Variants in NHS observed in about 807,000 individuals in gnomAD.
NHS encodes actin remodeling regulator NHS.
NHS carries 5 observed loss-of-function variants against 72.5 expected under a neutral mutation model. That is an observed-to-expected ratio of 0.07 (90% CI 0.04 to 0.14). The LOEUF is 0.14. NHS is among the 10% of genes least tolerant of loss of function. The probability of loss-of-function intolerance (pLI) is 1.00; values close to 1 mark genes in which losing one functional copy is unlikely to be tolerated. For missense variants in NHS, 1,072 were observed against 1,355.7 expected, an observed-to-expected ratio of 0.79 and a Z score of 3.29; for synonymous variants, 464 against 547.7, an observed-to-expected ratio of 0.85 and a Z score of 2.13.
chrX:17,455,873 A>G (rs1297898890), intron 1 of NHS, among the ~76,000 whole-genome samples: 1 of 111,597 alleles, frequency 9.0e-6, no homozygotes, highest in Non-Finnish European at 1.9e-5. Context: ...AAATGCCACC[A>G]TGTTGCTACT....
chrX:17,721,556 C>T lies in NHS; in HGVS notation c.1031C>T (p.Pro344Leu), dbSNP rs760631054. The change falls in exon 5 of 9, where the codon CCT becomes CTT. Residue 344 changes from proline (P) to leucine (L), a missense_variant. By Grantham distance (98) the Pro-to-Leu change is moderately conservative. Coordinates refer to ENST00000676302, the MANE Select transcript of NHS (RefSeq NM_001291867.2). Reference sequence around the variant, plus strand: ...CAGACCAACTGGAGCAAAGCACTACCTCTCCCGACGCCAGAGGAGAAGATG... The same window carrying T: ...CAGACCAACTGGAGCAAAGCACTACTTCTCCCGACGCCAGAGGAGAAGATG... ...DKQTNWSKAL[P>L]LPTPEEKMKQ... is the part of the protein sequence containing the mutation. 1.7e-6 allele frequency: 2 copies of T among 1,211,513 alleles called. No individual in the cohort carries two copies. The highest frequency in any genetic ancestry group is 1.1e-6 in the Non-Finnish European group (1 of 895,346).
chrX:17,603,192 C>A (rs199947328), intron 1 of NHS, among the ~76,000 whole-genome samples: 2 of 111,035 alleles, frequency 1.8e-5, no homozygotes, highest in East Asian at 5.7e-4. Context: ...TATGGGGGGG[C>A]CCTTAGAACA....
intron 1 of NHS, among the ~76,000 whole-genome samples, chrX:17,610,467 T>C (rs1348719413): frequency 8.9e-6 from 1 of 112,269 alleles, no homozygotes; most frequent in Non-Finnish European, 1.9e-5. Context: ...AATGGTTTTA[T>C]AGAGGCAGAA....
At chrX:17,695,232 C>G (rs2147117498) in intron 3 of NHS, among the ~76,000 whole-genome samples, 1 of 111,891 alleles carries the variant, frequency 8.9e-6, no homozygotes, top group South Asian at 3.7e-4. Flanking sequence ...GAATTCACCC[C>G]AAGGCAATAA....
At chrX:17,394,772 A>AT (rs201685243) in intron 1 of NHS, among the ~76,000 whole-genome samples, 3,833 of 110,211 alleles carry the variant, frequency 0.035, 168 homozygotes, top group African/African-American at 0.12. Context: ...AAGATCGCTG[A>AT]TTTTTTGTCT....
At chrX:17,570,400 T>C (rs1201420752) in intron 1 of NHS, among the ~76,000 whole-genome samples, 1 of 112,086 alleles carries the variant, frequency 8.9e-6, no homozygotes, top group Non-Finnish European at 1.9e-5. Context: ...TTGTAAGTTG[T>C]ATTCCTAGGT....
At chrX:17,398,587 T>TAGCTCTTCTAGTTTCAGCTGGGC (rs1428833959) in intron 1 of NHS, among the ~76,000 whole-genome samples, 2 of 112,248 alleles carry the variant, frequency 1.8e-5, no homozygotes, top group African/African-American at 6.5e-5. Context: ...CTCAGCTGGG[T>TAGCTCTTCTAGTTTCAGCTGGGC]AGCTCTTCTA....
chrX:17,561,029 A>G (rs1052835282), intron 1 of NHS, among the ~76,000 whole-genome samples: 12 of 112,089 alleles, frequency 1.1e-4, no homozygotes, highest in African/African-American at 9.7e-5. Flanking sequence ...AGCCACTCCT[A>G]TTTCTCTACA....
At chrX:17,515,383 A>ATAAAT (rs2065114473) in intron 1 of NHS, among the ~76,000 whole-genome samples, 1 of 112,222 alleles carries the variant, frequency 8.9e-6, no homozygotes, top group African/African-American at 3.2e-5. Flanking sequence ...ATAAATGGTG[A>ATAAAT]TTCAACTGCC....
At position 17,605,052 on chromosome X, in the gene NHS, G is replaced by A. The variant is rs776380461; in HGVS notation, c.566-82690G>A. On this transcript the variant is annotated intron_variant, in intron 1 of 8. Coordinates refer to ENST00000676302, the MANE Select transcript of NHS (RefSeq NM_001291867.2). Reference sequence around the variant, plus strand: ...TGAGGTGGGTTTTAAAGACAACATCGTGGATATTCTCCTCTGCTCTTACAC... The same window carrying A: ...TGAGGTGGGTTTTAAAGACAACATCATGGATATTCTCCTCTGCTCTTACAC... Among the ~76,000 whole-genome samples, 10 of 111,831 alleles carry A rather than the reference G, an allele frequency of 8.9e-5. No homozygotes were observed. In the East Asian group the frequency reaches 1.7e-3, roughly 19 times the overall value.
At chrX:17,450,733 G>C (rs2064802202) in intron 1 of NHS, among the ~76,000 whole-genome samples, 1 of 111,884 alleles carries the variant, frequency 8.9e-6, no homozygotes, top group South Asian at 3.7e-4. Context: ...AAAATAAGCT[G>C]GGCATGGTGG....
chrX:17,576,600 A>G (rs1014335127), intron 1 of NHS, among the ~76,000 whole-genome samples: 5 of 112,216 alleles, frequency 4.5e-5, no homozygotes. Context: ...AGTTTGAAAA[A>G]CAGAAGGTTA....
At chrX:17,636,885 G>T (rs2065851543) in intron 1 of NHS, among the ~76,000 whole-genome samples, 1 of 111,933 alleles carries the variant, frequency 8.9e-6, no homozygotes, top group South Asian at 3.7e-4. Flanking sequence ...GAATTTTATG[G>T]CAGAGAAGTT....
At chrX:17,622,825 G>T (rs1166010027) in intron 1 of NHS, among the ~76,000 whole-genome samples, 1 of 111,764 alleles carries the variant, frequency 8.9e-6, no homozygotes, top group African/African-American at 3.3e-5. Context: ...AGGTCTAGCA[G>T]TCAGGATCAT....
chrX:17,648,503 G>T (rs1379297169), intron 1 of NHS, among the ~76,000 whole-genome samples: 1 of 112,534 alleles, frequency 8.9e-6, no homozygotes. Flanking sequence ...TCCATATCTT[G>T]CTGGGAAGAG....
At chrX:17,670,499 T>C (rs771565458) in intron 1 of NHS, among the ~76,000 whole-genome samples, 9 of 112,820 alleles carry the variant, frequency 8.0e-5, no homozygotes, top group Non-Finnish European at 1.5e-4. Context: ...AATCCGCACA[T>C]TTAATTGAAT....
intron 1 of NHS, among the ~76,000 whole-genome samples, chrX:17,606,482 A>C (rs1022027116): frequency 8.9e-6 from 1 of 112,071 alleles, no homozygotes; most frequent in East Asian, 2.8e-4. Flanking sequence ...CTCTTCAAAC[A>C]TAAGTTTGCA....
Position 17,500,863 on chromosome X carries a change from T to C in NHS, c.565+124541T>C, listed in dbSNP as rs1387831414. ...TTGAGTCCCTTACCTGCTCCCAGAC[T>C]CAATTGTTTCACCTGAAAGTGGGGA... On this transcript the variant is annotated intron_variant, in intron 1 of 8. Coordinates refer to ENST00000676302, the MANE Select transcript of NHS (RefSeq NM_001291867.2). 2.7e-5 allele frequency among the ~76,000 whole-genome samples: 3 copies of C among 111,886 alleles called. No homozygotes were observed. The East Asian group carries it at 8.4e-4, about 31-fold the overall frequency.
chrX:17,615,195 C>CGT (rs1569294152), intron 1 of NHS, among the ~76,000 whole-genome samples: 3 of 81,213 alleles, frequency 3.7e-5, no homozygotes, highest in African/African-American at 2.0e-4. Flanking sequence ...TATATATACA[C>CGT]ATATATACGT....
Sources: gnomAD v4.1 joint callset for allele counts (sites outside exome capture counted in the v4.1 genomes callset) on GRCh38, gnomAD v4.1.1 for gene constraint, MANE v1.5 for transcripts, NCBI Gene and HGNC (gene_info 2026-07-23, HGNC 2026-07-21) for gene names.